Variants in SPAG16 observed in about 807,000 individuals in gnomAD.
SPAG16 encodes the protein sperm-associated antigen 16 protein.
Under a neutral mutation model 80.4 loss-of-function variants are expected in SPAG16, and 86 were observed. The observed-to-expected ratio is 1.07, with a 90% CI of 0.90 to 1.28. The LOEUF (loss-of-function observed/expected upper bound fraction) is 1.28. Among genes scored for constraint, SPAG16 ranks in the 50% most tolerant of loss-of-function variants. SPAG16 has a pLI of 0.00. For synonymous variants in SPAG16, 294 were observed against 265.9 expected, an observed-to-expected ratio of 1.11 and a Z score of -1.03; for missense variants, 870 against 765.3, an observed-to-expected ratio of 1.14 and a Z score of -1.61.
At chr2:213,735,009 A>G (rs1406903463) in intron 10 of SPAG16, among the ~76,000 whole-genome samples, 3 of 151,942 alleles carry the variant, frequency 2.0e-5, no homozygotes, top group Admixed American at 2.0e-4. Flanking sequence ...AAATTTTATT[A>G]CTATTGCAGA....
intron 15 of SPAG16, among the ~76,000 whole-genome samples, chr2:214,305,731 G>C (rs1221086746): frequency 1.3e-5 from 2 of 152,024 alleles, no homozygotes; most frequent in African/African-American, 4.8e-5. Context: ...ACTGCTCTAT[G>C]TGTCTATTCT....
chr2:214,197,168 A>G (rs770134231), intron 15 of SPAG16, among the ~76,000 whole-genome samples: 2 of 152,040 alleles, frequency 1.3e-5, no homozygotes, highest in African/African-American at 4.8e-5. Context: ...TTATGAAAAT[A>G]ATGTAGGTCA....
intron 15 of SPAG16, among the ~76,000 whole-genome samples, chr2:214,308,255 T>G (rs1695053254): frequency 6.6e-6 from 1 of 152,194 alleles, no homozygotes; most frequent in African/African-American, 2.4e-5. Flanking sequence ...TTTTTCTCTA[T>G]CCCTTTATTT....
chr2:213,575,987 A>T (rs187504370), intron 10 of SPAG16, among the ~76,000 whole-genome samples: 1 of 152,144 alleles, frequency 6.6e-6, no homozygotes, highest in Non-Finnish European at 1.5e-5. Context: ...GCTCAAAGTT[A>T]AAAAAAGCAA....
chr2:213,506,408 T>C (rs751048570), intron 10 of SPAG16, among the ~76,000 whole-genome samples: 1 of 152,230 alleles, frequency 6.6e-6, no homozygotes, highest in Non-Finnish European at 1.5e-5. Flanking sequence ...GTGATAGGTA[T>C]AAATGCTTTC....
intron 10 of SPAG16, among the ~76,000 whole-genome samples, chr2:213,510,378 C>T (rs2075174183): frequency 6.6e-6 from 1 of 151,938 alleles, no homozygotes; most frequent in Non-Finnish European, 1.5e-5. Flanking sequence ...CATTCTTTAA[C>T]TATTTAACAT....
chr2:214,276,639 T>C (rs1173703239), intron 15 of SPAG16, among the ~76,000 whole-genome samples: 6 of 152,242 alleles, frequency 3.9e-5, no homozygotes, highest in Admixed American at 3.3e-4. Context: ...TTCCAGCTTG[T>C]AGAGTTTCTG....
At chr2:214,187,677 TCTGC>T (rs2057523018) in intron 15 of SPAG16, among the ~76,000 whole-genome samples, 1 of 144,040 alleles carries the variant, frequency 6.9e-6, no homozygotes, top group Admixed American at 6.8e-5. Flanking sequence ...AACAATAATG[TCTGC>T]CATAACAAAC....
At chr2:213,364,268 A>G (rs998711062) in intron 8 of SPAG16, 123 bp downstream of exon 8, 2 of 453,676 alleles carry the variant, frequency 4.4e-6, no homozygotes, top group African/African-American at 4.1e-5. Context: ...ACAAATTAAA[A>G]TTTTAATAAA....
chr2:213,680,371 T>C (rs2064317649), intron 10 of SPAG16, among the ~76,000 whole-genome samples: 1 of 151,736 alleles, frequency 6.6e-6, no homozygotes, highest in Non-Finnish European at 1.5e-5. Flanking sequence ...GTTTTGGCAT[T>C]ACAACTCAAA....
chr2:214,382,741 C>G (rs1372781168), intron 15 of SPAG16, among the ~76,000 whole-genome samples: 1 of 152,140 alleles, frequency 6.6e-6, no homozygotes, highest in African/African-American at 2.4e-5. Context: ...CTTTGTGTCT[C>G]CAAATAATTG....
intron 10 of SPAG16, among the ~76,000 whole-genome samples, chr2:213,596,837 A>T (rs970465142): frequency 1.3e-5 from 2 of 152,152 alleles, no homozygotes; most frequent in Admixed American, 6.6e-5. Context: ...ATGAATCTGT[A>T]GTCACCAAGC....
At chr2:213,329,615 A>G (rs1279044235) in intron 5 of SPAG16, among the ~76,000 whole-genome samples, 1 of 152,202 alleles carries the variant, frequency 6.6e-6, no homozygotes, top group Non-Finnish European at 1.5e-5. Flanking sequence ...AGAGCATAAA[A>G]GTTTGGAAAA....
chr2:213,764,744 GA>G (rs1471386806), intron 10 of SPAG16, among the ~76,000 whole-genome samples: 9 of 152,036 alleles, frequency 5.9e-5, no homozygotes, highest in African/African-American at 1.7e-4. Context: ...AAAAGATTAT[GA>G]AACTATAAAA....
intron 10 of SPAG16, among the ~76,000 whole-genome samples, chr2:213,707,491 A>G (rs1050171224): frequency 1.3e-5 from 2 of 152,040 alleles, no homozygotes; most frequent in Admixed American, 1.3e-4. Context: ...TGAACCCCTA[A>G]CATCTTGTCT....
chr2:213,810,490 C>A (rs1346106963), intron 10 of SPAG16, among the ~76,000 whole-genome samples: 1 of 152,098 alleles, frequency 6.6e-6, no homozygotes, highest in East Asian at 1.9e-4. Context: ...GACAGTTATC[C>A]AAGAGAATGC....
chr2:214,165,469 C>CTTTTTTTTTT lies in SPAG16; in HGVS notation c.1720+16231_1720+16240dup, dbSNP rs67726428. 4.2e-4 allele frequency among the ~76,000 whole-genome samples: 16 copies of CTTTTTTTTTT among 37,856 alleles called. 3 individuals are homozygous for CTTTTTTTTTT. The highest frequency in any genetic ancestry group is 1.1e-3 in the African/African-American group (8 of 7,174). The allele number at this position is 37,856 out of a possible 152,430, so 24.8% of individuals were successfully genotyped here. A position where few individuals can be genotyped will look rare whatever the true frequency, so the allele number is the denominator to read the frequency against. ...TTTAAAAATGCTTTGCATCACCATC[C>CTTTTTTTTTT]TTTTTTTTTTTTTTTTTTTTTTTTT... is the stretch of plus-strand genomic sequence containing the variant. On this transcript the variant is annotated intron_variant, in intron 15 of 15. Coordinates refer to ENST00000331683, the MANE Select transcript of SPAG16 (RefSeq NM_024532.5).
rs77261743 is a variant in SPAG16 at position 213,490,954 on chromosome 2, A to T, written c.1070+864A>T. Among the ~76,000 whole-genome samples, 179 of 151,384 alleles carry T rather than the reference A, an allele frequency of 1.2e-3. No individual in the cohort carries two copies. The East Asian group carries it at 0.032, about 27-fold the overall frequency. ...CACATATATTTTACCTATAGTGAGT[A>T]TTTTTTTTTCATTTGCAAAGCTTCC... is the stretch of plus-strand genomic sequence containing the variant. On this transcript the variant is annotated intron_variant, in intron 10 of 15. Coordinates refer to ENST00000331683, the MANE Select transcript of SPAG16 (RefSeq NM_024532.5).
intron 10 of SPAG16, among the ~76,000 whole-genome samples, chr2:213,826,238 A>G (rs1314148186): frequency 6.6e-6 from 1 of 150,450 alleles, no homozygotes; most frequent in African/African-American, 2.4e-5. Flanking sequence ...TTTTCCTTTC[A>G]ATTTCATTTA....
Sources: allele counts gnomAD v4.1 joint callset (sites outside exome capture counted in the v4.1 genomes callset), GRCh38; gene constraint gnomAD v4.1.1; transcripts MANE v1.5; gene names NCBI Gene and HGNC (gene_info 2026-07-23, HGNC 2026-07-21).